The following SLC5A11 variants were observed in gnomAD, a reference collection of about 807,000 sequenced individuals.
SLC5A11 encodes the protein sodium/myo-inositol cotransporter 2.
Under a neutral mutation model 69.8 loss-of-function variants are expected in SLC5A11, and 48 were observed. That is an observed-to-expected ratio of 0.69 (90% CI 0.55 to 0.87). SLC5A11 has a LOEUF of 0.87. SLC5A11 is among the 40% of genes least tolerant of loss of function. The pLI is 0.00. For missense variants in SLC5A11, 784 were observed against 866.1 expected (o/e 0.91, Z 1.19); for synonymous variants, 319 against 342.4 (o/e 0.93, Z 0.75).
chr16:24,897,956 C>T lies in SLC5A11; in HGVS notation c.871-18C>T. On this transcript the variant is annotated intron_variant, in intron 9 of 15. Transcript: ENST00000347898. ...TATATCAGCATTCCCAGTTTCCAAC[C>T]CCCTTGATCTTTTCCAGGTGATTGT... 6 of 1,612,218 alleles carry T rather than the reference C, an allele frequency of 3.7e-6. No homozygotes were observed. The highest frequency in any genetic ancestry group is 5.1e-6 in the Non-Finnish European group (6 of 1,179,340).
At chr16:24,905,270 A>G (rs973961582) in intron 10 of SLC5A11, among the ~76,000 whole-genome samples, 2 of 15,178 alleles carry the variant, frequency 1.3e-4, no homozygotes, top group East Asian at 4.1e-4. Context: ...CTAAAAATAC[A>G]AAAAAAAAAA....
chr16:24,872,747 C>T (rs541753916), intron 5 of SLC5A11, among the ~76,000 whole-genome samples: 2 of 151,318 alleles, frequency 1.3e-5, no homozygotes, highest in Admixed American at 1.3e-4. Flanking sequence ...GTCTCGAACT[C>T]CTGGGCTCAA....
intron 7 of SLC5A11, among the ~76,000 whole-genome samples, chr16:24,882,828 T>C (rs1260604865): frequency 6.6e-6 from 1 of 152,092 alleles, no homozygotes; most frequent in African/African-American, 2.4e-5. Context: ...GTATTTTTAG[T>C]AGGGACAAGG....
chr16:24,853,599 G>A (rs1341943137), intron 1 of SLC5A11, among the ~76,000 whole-genome samples: 1 of 151,900 alleles, frequency 6.6e-6, no homozygotes, highest in Non-Finnish European at 1.5e-5. Context: ...AGGAGAGAAG[G>A]GCGGGAGGAA....
At chr16:24,860,202 G>A (rs2059705301) in intron 2 of SLC5A11, among the ~76,000 whole-genome samples, 1 of 152,096 alleles carries the variant, frequency 6.6e-6, no homozygotes, top group African/African-American at 2.4e-5. Context: ...CAGGAGAATG[G>A]CATGAATCCG....
intron 6 of SLC5A11, among the ~76,000 whole-genome samples, chr16:24,876,255 AG>A (rs1296377850): frequency 2.0e-5 from 3 of 152,008 alleles, no homozygotes; most frequent in African/African-American, 7.2e-5. Flanking sequence ...AAAGGAGGGA[AG>A]GACTTTCTCT....
intron 9 of SLC5A11, among the ~76,000 whole-genome samples, chr16:24,895,148 A>G (rs190661375): frequency 6.6e-6 from 1 of 151,708 alleles, no homozygotes; most frequent in African/African-American, 2.4e-5. Flanking sequence ...GAAAGAAAAA[A>G]AAAAGAACCA....
chr16:24,901,944 ACACACACACACACG>A (rs1357168852), intron 10 of SLC5A11, among the ~76,000 whole-genome samples: 12 of 120,602 alleles, frequency 1.0e-4, no homozygotes, highest in Admixed American at 5.8e-4. Context: ...ACACACACAC[ACACACACACACACG>A]CACACACACA....
chr16:24,849,590 AAAAATATATATATATATAT>A (rs2059190000), intron 1 of SLC5A11, among the ~76,000 whole-genome samples: 1 of 88,826 alleles, frequency 1.1e-5, no homozygotes, highest in East Asian at 2.7e-4. Flanking sequence ...AAAAAAAAAA[AAAAATATATATATATATAT>A]ATATATATAT....
intron 11 of SLC5A11, 34 bp from the exon 13 acceptor site, chr16:24,906,991 G>A: frequency 1.9e-6 from 3 of 1,604,758 alleles, no homozygotes; most frequent in South Asian, 1.1e-5. Flanking sequence ...TGGCAGAAAA[G>A]GACCGAGGCC....
At chr16:24,908,743 T>C (rs2050266676) in intron 13 of SLC5A11, 138 bp from the exon 15 acceptor site, 3 of 661,284 alleles carry the variant, frequency 4.5e-6, no homozygotes, top group Non-Finnish European at 7.7e-6. Flanking sequence ...TGGTTAAGTA[T>C]TGCAGAACCT....
chr16:24,883,619 C>G (rs1479143469), intron 7 of SLC5A11, among the ~76,000 whole-genome samples: 1 of 152,210 alleles, frequency 6.6e-6, no homozygotes, highest in Non-Finnish European at 1.5e-5. Context: ...AGAGGATGGC[C>G]TCACTCACAT....
intron 5 of SLC5A11, among the ~76,000 whole-genome samples, chr16:24,873,750 T>C (rs1015107779): frequency 1.2e-4 from 19 of 152,144 alleles, no homozygotes; most frequent in Admixed American, 1.2e-3. Flanking sequence ...GTTTTAATTC[T>C]GCATACCTGA....
At chr16:24,869,835 A>T in intron 3 of SLC5A11, 66 bp from the exon 5 acceptor site, 1 of 1,134,936 alleles carries the variant, frequency 8.8e-7, no homozygotes, top group Non-Finnish European at 1.3e-6. Context: ...CATGGAAATA[A>T]TTGGGGGTGG....
At chr16:24,904,297 G>T (rs2049857156) in intron 10 of SLC5A11, among the ~76,000 whole-genome samples, 3 of 152,290 alleles carry the variant, frequency 2.0e-5, no homozygotes, top group Admixed American at 6.5e-5. Context: ...TCATATGGTA[G>T]TTCTATTTTC....
At chr16:24,909,145 G>C (rs910044902) in intron 14 of SLC5A11, 49 bp downstream of exon 15, 8 of 1,585,012 alleles carry the variant, frequency 5.0e-6, no homozygotes, top group Non-Finnish European at 6.9e-6. Flanking sequence ...TGTTGGAAGT[G>C]ACAGAAAACT....
intron 1 of SLC5A11, among the ~76,000 whole-genome samples, chr16:24,847,208 C>T (rs574858442): frequency 1.4e-3 from 209 of 146,830 alleles, no homozygotes; most frequent in African/African-American, 4.8e-3. Flanking sequence ...TTATTTCTTT[C>T]CTTATTCCTT....
At chr16:24,877,078 C>G in intron 6 of SLC5A11, 180 bp from the exon 8 acceptor site, 1 of 1,457,562 alleles carries the variant, frequency 6.9e-7, no homozygotes, top group South Asian at 1.4e-5. Context: ...CCAGGGCCCA[C>G]AGGGCTCCAG....
rs71156449 is a variant in SLC5A11 at position 24,870,442 on chromosome 16, A to ACCACACACACACACAC, written c.312+437_312+438insCCACACACACACACAC. ...AAACAAAACAAAAAAAACAAAAAAA[A>ACCACACACACACACAC]ACACACACACACACACACACACAAA... On this transcript the variant is annotated intron_variant, in intron 4 of 15. Transcript: ENST00000347898. Among the ~76,000 whole-genome samples the ACCACACACACACACAC allele has an allele frequency of 3.5e-3, 496 of 140,604 alleles. 2 individuals are homozygous for ACCACACACACACACAC. Among genetic ancestry groups the ACCACACACACACACAC allele is most frequent in the Non-Finnish European group, 4.8e-3 (310 of 64,630 alleles). 92.2% of individuals were successfully genotyped at this position (140,604 alleles called of 152,430 possible).
Sources: allele counts gnomAD v4.1 joint callset (sites outside exome capture counted in the v4.1 genomes callset), GRCh38; gene constraint gnomAD v4.1.1; transcripts MANE v1.5; gene names NCBI Gene and HGNC (gene_info 2026-07-23, HGNC 2026-07-21).